The following GAK variants were observed in gnomAD, a reference collection of about 807,000 sequenced individuals.
GAK encodes the protein cyclin-G-associated kinase.
A neutral mutation model predicts 143.9 loss-of-function variants in GAK; 79 were observed. That is an observed-to-expected ratio of 0.55 (90% CI 0.46 to 0.66). GAK has a LOEUF of 0.66. Ranked by LOEUF, GAK falls within the 30% of genes least tolerant of loss-of-function variation. GAK has a pLI of 0.00. For synonymous variants in GAK, 881 were observed against 765.5 expected, an observed-to-expected ratio of 1.15 and a Z score of -2.49; for missense variants, 1,693 against 1,779.7, an observed-to-expected ratio of 0.95 and a Z score of 0.88.
intron 1 of GAK, among the ~76,000 whole-genome samples, chr4:929,297 A>T (rs941936985): frequency 2.0e-5 from 3 of 152,178 alleles, no homozygotes; most frequent in Admixed American, 1.3e-4. Context: ...TACAACACCC[A>T]ACCAAACGCA....
intron 3 of GAK, 191 bp from the exon 4 acceptor site, chr4:911,978 A>G: frequency 1.9e-6 from 1 of 523,064 alleles, no homozygotes; most frequent in Non-Finnish European, 3.7e-6. Context: ...CAGAGGCAGG[A>G]GGAGCTGCAG....
At chr4:913,968 C>T in intron 1 of GAK, 1 of 264,648 alleles carries the variant, frequency 3.8e-6, no homozygotes, top group South Asian at 2.6e-5. Flanking sequence ...CCCCAGCGTG[C>T]ACGGCCCCCA....
At position 928,082 on chromosome 4, in the gene GAK, G is replaced by C. The variant is rs569522799; in HGVS notation, c.145+3961C>G. Among the ~76,000 whole-genome samples, 4 of 152,270 alleles carry C rather than the reference G, an allele frequency of 2.6e-5. No individual in the cohort carries two copies. The East Asian group carries it at 7.7e-4, about 29-fold the overall frequency. On this transcript the variant is annotated intron_variant, in intron 1 of 27. Coordinates refer to ENST00000314167, the MANE Select transcript of GAK (RefSeq NM_005255.4). ...TAAGGGTCTACTTTTTTTTGAGATAGAGTCTCGCTCTGTCGTCCAGGCTGG... is the reference window on the plus strand; with the variant it reads ...TAAGGGTCTACTTTTTTTTGAGATACAGTCTCGCTCTGTCGTCCAGGCTGG...
At position 849,668 on chromosome 4, in the gene GAK, C is replaced by T. The variant is rs772645791; in HGVS notation, c.*5G>A. ...GCTGTGTGCGCAGCCACCACCACTG[C>T]GGCCTCAGAAGAGGGGCCGGGAGCC... On this transcript the variant is annotated 3_prime_UTR_variant, in exon 28 of 28. Transcript: ENST00000314167. The T allele has an allele frequency of 3.0e-5, 48 of 1,606,586 alleles. No homozygotes were observed. In the Admixed American group the frequency reaches 3.0e-4, roughly 10 times the overall value.
At chr4:892,840 C>T (rs1409034175) in intron 9 of GAK, among the ~76,000 whole-genome samples, 4 of 152,238 alleles carry the variant, frequency 2.6e-5, no homozygotes, top group African/African-American at 9.6e-5. Flanking sequence ...AAGGCGCCTG[C>T]AAACCTCAAG....
intron 25 of GAK, 148 bp downstream of exon 25, chr4:851,602 C>T: frequency 4.0e-6 from 3 of 754,508 alleles, no homozygotes; most frequent in South Asian, 1.7e-5. Context: ...AGTGAACACA[C>T]ATCGGAAACC....
rs145100581 is a variant in GAK at position 851,915 on chromosome 4, C to T, written c.3343G>A (p.Gly1115Ser). ...FIPKTATTPK[G>S]SSSWQTSRPP... ...CGACTTGTCTGCCAGGAGCTGCTGC[C>T]TTTGGGCGTGGTGGCCGTTTTGGGA... is the stretch of plus-strand genomic sequence containing the variant. The change falls in exon 25 of 28, where the codon GGC becomes AGC. Residue 1115 changes from glycine (G) to serine (S), a missense_variant. Coordinates refer to ENST00000314167, the MANE Select transcript of GAK (RefSeq NM_005255.4). 44 of 1,613,510 alleles carry T rather than the reference C, an allele frequency of 2.7e-5. No individual in the cohort carries two copies. In the East Asian group the frequency reaches 6.2e-4, roughly 23 times the overall value.
intron 9 of GAK, among the ~76,000 whole-genome samples, chr4:891,643 C>G (rs1462822435): frequency 6.6e-6 from 1 of 152,074 alleles, no homozygotes; most frequent in Non-Finnish European, 1.5e-5. Flanking sequence ...GCCCATCTGC[C>G]CAGCGGCACC....
At chr4:889,304 C>T (rs934243932) in intron 10 of GAK, among the ~76,000 whole-genome samples, 2 of 152,262 alleles carry the variant, frequency 1.3e-5, no homozygotes, top group Non-Finnish European at 2.9e-5. Flanking sequence ...GGCTGGGACT[C>T]TGTCTGTGGG....
chr4:902,823 G>T (rs930326725), intron 5 of GAK, among the ~76,000 whole-genome samples: 4 of 152,134 alleles, frequency 2.6e-5, no homozygotes, highest in Non-Finnish European at 5.9e-5. Flanking sequence ...TACACAAGCT[G>T]CTCCAACGAA....
intron 24 of GAK, among the ~76,000 whole-genome samples, chr4:857,437 C>T (rs1460161823): frequency 6.6e-6 from 1 of 152,118 alleles, no homozygotes; most frequent in African/African-American, 2.4e-5. Context: ...CAGGTGGGTC[C>T]GCAGGTTTCC....
chr4:932,035 G>C lies in GAK; in HGVS notation c.145+8C>G, dbSNP rs1725962716. On this transcript the variant is annotated splice_region_variant and intron_variant, in intron 1 of 27. Coordinates refer to ENST00000314167, the MANE Select transcript of GAK (RefSeq NM_005255.4). The surrounding 1 kb of genome is among the most constrained non-coding windows in gnomAD (Gnocchi z 4.0). The stretch of plus-strand genomic sequence containing the variant: ...GGCCGCACCCGCGCTGCCGACCCGG[G>C]GCCTCACCTTCGGCCAGGACCCGCC... The C allele has an allele frequency of 6.4e-7, 1 of 1,569,758 alleles. No individual in the cohort carries two copies. Among genetic ancestry groups the C allele is most frequent in the South Asian group, 1.1e-5 (1 of 87,886 alleles).
chr4:898,975 A>C (rs1054679650), intron 5 of GAK, among the ~76,000 whole-genome samples: 2 of 152,264 alleles, frequency 1.3e-5, no homozygotes, highest in Non-Finnish European at 2.9e-5. Context: ...AGCTCGGGCC[A>C]AACAGGGAAT....
chr4:876,638 C>G (rs749355788), intron 17 of GAK, 29 bp from the exon 18 acceptor site: 6 of 1,598,482 alleles, frequency 3.8e-6, no homozygotes, highest in Non-Finnish European at 5.1e-6. Flanking sequence ...CGACACCCCA[C>G]GTGGAGGGTG....
chr4:924,032 A>G (rs1724301979), intron 1 of GAK, among the ~76,000 whole-genome samples: 1 of 151,958 alleles, frequency 6.6e-6, no homozygotes, highest in African/African-American at 2.4e-5. Flanking sequence ...TAAAAAATAC[A>G]AAATTAGCTG....
chr4:876,450 TC>T, intron 18 of GAK, 79 bp downstream of exon 18: 1 of 1,260,304 alleles, frequency 7.9e-7, no homozygotes, highest in Non-Finnish European at 1.2e-6. Flanking sequence ...CCCCTGGGGC[TC>T]CCACGACCGG....
At chr4:866,341 G>C (rs1751157676) in intron 22 of GAK, 23 bp downstream of exon 22, 1 of 1,610,920 alleles carries the variant, frequency 6.2e-7, no homozygotes, top group Non-Finnish European at 8.5e-7. Flanking sequence ...TGGAGAGCTG[G>C]CTGCCAGGCG....
At chr4:858,732 C>T (rs1171255332) in intron 24 of GAK, among the ~76,000 whole-genome samples, 1 of 152,174 alleles carries the variant, frequency 6.6e-6, no homozygotes, top group African/African-American at 2.4e-5. Context: ...TCAAAGCCAG[C>T]CCGGGAGAGA....
At chr4:907,139 G>A (rs766903507) in intron 4 of GAK, among the ~76,000 whole-genome samples, 6 of 152,212 alleles carry the variant, frequency 3.9e-5, no homozygotes, top group Admixed American at 2.6e-4. Context: ...TGTGAGAGCC[G>A]GTCGGGACCT....
Sources: allele counts gnomAD v4.1 joint callset (sites outside exome capture counted in the v4.1 genomes callset), GRCh38; gene constraint gnomAD v4.1.1; non-coding constraint Gnocchi (gnomAD v3.1); transcripts MANE v1.5; gene names NCBI Gene and HGNC (gene_info 2026-07-23, HGNC 2026-07-21).